ARHGEF7: variants seen among roughly 807,000 people sequenced by gnomAD.
ARHGEF7 encodes PAK-interacting exchange factor beta.
ARHGEF7 carries 33 observed loss-of-function variants against 109.8 expected under a neutral mutation model. The ratio of observed to expected loss-of-function variants is 0.30; its 90% confidence interval spans 0.23 to 0.40. ARHGEF7 has a LOEUF of 0.40. Among genes scored for constraint, ARHGEF7 ranks in the 10% least tolerant of loss-of-function variants. The pLI is 1.00. For missense variants in ARHGEF7, 938 were observed against 1,098.5 expected (o/e 0.85, Z 2.07); for synonymous variants, 458 against 424.6 (o/e 1.08, Z -0.97).
Position 111,115,353 on chromosome 13 carries a change from C to T in ARHGEF7, c.-174C>T, listed in dbSNP as rs1362629891. 4.2e-5 allele frequency: 11 copies of T among 261,354 alleles called. No individual in the cohort carries two copies. The highest frequency in any genetic ancestry group is 6.4e-5 in the Non-Finnish European group (11 of 171,178). 16.2% of individuals were successfully genotyped at this position (261,354 alleles called of 1,614,324 possible). A position where few individuals can be genotyped will look rare whatever the true frequency, so the allele number is the denominator to read the frequency against. On this transcript the variant is annotated 5_prime_UTR_variant, in exon 1 of 22. Transcript: ENST00000646102. ...CCTGAGAAGGCGCCTGACAGCGGGC[C>T]GGGGCGCACGGAGAAGCGGGCCGGG...
intron 17 of ARHGEF7, among the ~76,000 whole-genome samples, chr13:111,287,843 G>A (rs1463134593): frequency 1.3e-5 from 2 of 152,286 alleles, no homozygotes; most frequent in African/African-American, 2.4e-5. Context: ...TGATGGGCCC[G>A]GGTTTTCACA....
At chr13:111,281,703 G>A (rs537708729) in intron 15 of ARHGEF7, among the ~76,000 whole-genome samples, 1 of 152,270 alleles carries the variant, frequency 6.6e-6, no homozygotes, top group South Asian at 2.1e-4. Context: ...GCTTCACTCA[G>A]GTTTTCAACA....
intron 5 of ARHGEF7, among the ~76,000 whole-genome samples, chr13:111,224,895 A>G (rs978028118): frequency 6.6e-6 from 1 of 152,162 alleles, no homozygotes; most frequent in Admixed American, 6.5e-5. Flanking sequence ...ATGAGGCTGC[A>G]TTACAGGATG....
At chr13:111,265,155 C>A (rs1254287718) in intron 8 of ARHGEF7, among the ~76,000 whole-genome samples, 1 of 150,194 alleles carries the variant, frequency 6.7e-6, no homozygotes, top group Non-Finnish European at 1.5e-5. Flanking sequence ...AAAGAAGACC[C>A]ATTGTGCTGG....
chr13:111,202,331 T>C (rs1428224992), intron 2 of ARHGEF7, among the ~76,000 whole-genome samples: 2 of 152,114 alleles, frequency 1.3e-5, no homozygotes, highest in Non-Finnish European at 2.9e-5. Context: ...TGTGTTGGAG[T>C]CACTTGGAGA....
At chr13:111,221,465 A>C (rs1476073371) in intron 5 of ARHGEF7, among the ~76,000 whole-genome samples, 1 of 90,648 alleles carries the variant, frequency 1.1e-5, no homozygotes, top group African/African-American at 4.9e-5. Context: ...AGATATATAG[A>C]CATCTATATA....
At position 111,212,464 on chromosome 13, in the gene ARHGEF7, C is replaced by T. The variant is rs530733828; in HGVS notation, c.468+2462C>T. 3.7e-4 allele frequency among the ~76,000 whole-genome samples: 56 copies of T among 152,312 alleles called. 1 individual carries two copies. The highest frequency in any genetic ancestry group is 1.3e-3 in the African/African-American group (55 of 41,574). On this transcript the variant is annotated intron_variant, in intron 4 of 21. Transcript: ENST00000646102. ...ACACCGCTGGAATTCCTGGTGACTG[C>T]TGTGCTTTTAGTCTTCAACTGCTGG... is the stretch of plus-strand genomic sequence containing the variant.
chr13:111,222,041 C>T (rs2084494021), intron 5 of ARHGEF7, among the ~76,000 whole-genome samples: 1 of 152,114 alleles, frequency 6.6e-6, no homozygotes, highest in South Asian at 2.1e-4. Flanking sequence ...TTGCTGGAAG[C>T]TGATTAGGTG....
intron 2 of ARHGEF7, among the ~76,000 whole-genome samples, chr13:111,186,537 GT>G (rs1351159708): frequency 1.3e-5 from 2 of 152,152 alleles, no homozygotes; most frequent in Admixed American, 6.5e-5. Context: ...CTGGATTTCT[GT>G]TTTTCACATG....
In ARHGEF7 at chr13:111,115,720, G is replaced by A. The variant is rs572659190; in HGVS notation, c.165+29G>A. 7.3e-5 allele frequency: 82 copies of A among 1,125,776 alleles called. 2 individuals are homozygous for A. In the South Asian group the frequency reaches 2.9e-3, roughly 40 times the overall value. 69.7% of individuals were successfully genotyped at this position (1,125,776 alleles called of 1,614,324 possible). On this transcript the variant is annotated intron_variant, in intron 1 of 21. Coordinates refer to ENST00000646102, the MANE Select transcript of ARHGEF7 (RefSeq NM_001354046.2). ...AGTCCCGGCCCGCGCCCCCGCCCGC[G>A]CCCCCCGGTCCGGCCCGCTGCGGCC...
Position 111,258,437 on chromosome 13 carries a change from C to CAG in ARHGEF7, c.951-9109_951-9108dup, listed in dbSNP as rs1566983837. 2.6e-5 allele frequency among the ~76,000 whole-genome samples: 4 copies of CAG among 152,314 alleles called. No individual in the cohort carries two copies. In the South Asian group the frequency reaches 8.3e-4, roughly 32 times the overall value. ...AGCCACAGCAGGATAGAGCATCAGG[C>CAG]AGAACCCTGAGGCTCCCGGACGACA... On this transcript the variant is annotated intron_variant, in intron 8 of 21. Coordinates refer to ENST00000646102, the MANE Select transcript of ARHGEF7 (RefSeq NM_001354046.2). This position sits in a 1 kb window ranked among gnomAD's most constrained non-coding sequence, Gnocchi z 4.4.
chr13:111,277,755 C>T (rs1034940037), intron 13 of ARHGEF7, 82 bp downstream of exon 13: 21 of 947,864 alleles, frequency 2.2e-5, no homozygotes, highest in Non-Finnish European at 3.2e-5. Context: ...TTAAATATTA[C>T]GTGTATCTAT....
chr13:111,165,602 C>G (rs1484753501), intron 2 of ARHGEF7, among the ~76,000 whole-genome samples: 9 of 152,182 alleles, frequency 5.9e-5, no homozygotes, highest in Admixed American at 3.3e-4. Flanking sequence ...ATCCCTTCCC[C>G]TTGATAAAGC....
Position 111,151,625 on chromosome 13 carries a change from T to C in ARHGEF7, c.166-2280T>C, listed in dbSNP as rs182362042. Among the ~76,000 whole-genome samples, 5 of 152,364 alleles carry C rather than the reference T, an allele frequency of 3.3e-5. No homozygotes were observed. In the East Asian group the frequency reaches 9.6e-4, roughly 29 times the overall value. On this transcript the variant is annotated intron_variant, in intron 1 of 21. Coordinates refer to ENST00000646102, the MANE Select transcript of ARHGEF7 (RefSeq NM_001354046.2). The stretch of plus-strand genomic sequence containing the variant: ...GCCTCATGTACAGATGTGAATGCAC[T>C]GTATTGTTGATTCATTAACATTGAA...
intron 3 of ARHGEF7, among the ~76,000 whole-genome samples, chr13:111,206,551 CA>C (rs1300749836): frequency 2.6e-5 from 4 of 152,120 alleles, no homozygotes; most frequent in Admixed American, 2.6e-4. Flanking sequence ...ATCGAGGAAA[CA>C]AAAATTTAAA....
At chr13:111,189,882 A>G (rs1470261438) in intron 2 of ARHGEF7, among the ~76,000 whole-genome samples, 1 of 152,194 alleles carries the variant, frequency 6.6e-6, no homozygotes, top group Non-Finnish European at 1.5e-5. Flanking sequence ...TCCTTTAGCT[A>G]GACAGAAAAG....
At chr13:111,161,926 T>G (rs1464743415) in intron 2 of ARHGEF7, among the ~76,000 whole-genome samples, 1 of 152,232 alleles carries the variant, frequency 6.6e-6, no homozygotes, top group Non-Finnish European at 1.5e-5. Flanking sequence ...ATCCCCATTT[T>G]TGGATACAGA....
chr13:111,256,697 T>G (rs1247524716), intron 8 of ARHGEF7, among the ~76,000 whole-genome samples: 1 of 152,238 alleles, frequency 6.6e-6, no homozygotes, highest in Non-Finnish European at 1.5e-5. Context: ...CTTTAGTGTA[T>G]CTTTAACTCT....
rs759847743 is a variant in ARHGEF7 at position 111,275,662 on chromosome 13, A to T, written c.1403A>T (p.Gln468Leu). The T allele has an allele frequency of 1.2e-6, 2 of 1,614,144 alleles. No individual in the cohort carries two copies. The highest frequency in any genetic ancestry group is 2.2e-5 in the South Asian group (2 of 91,084). ...ACTTACATGTCCCAGGTCCTGATTC[A>T]GTGTGCCGGAAGTGAGGTACTGCTG... ...NVTYMSQVLI[Q>L]CAGSEEKNER... The change falls in exon 12 of 22, where the codon CAG (glutamine) becomes CTG (leucine). Residue 468 changes from glutamine (Q) to leucine (L), a missense_variant. Gln to Leu is a moderately radical substitution (Grantham distance 113, BLOSUM62 -2). Around this residue, in one of 4 missense-constraint regions of ARHGEF7, gnomAD observed 585 missense variants for 723.6 expected, o/e 0.81. Transcript: ENST00000646102.
Sources: gnomAD v4.1 joint callset for allele counts (sites outside exome capture counted in the v4.1 genomes callset) on GRCh38, gnomAD v4.1.1 for gene constraint, gnomAD v4.1.1 regional missense constraint, Gnocchi (gnomAD v3.1) non-coding constraint, MANE v1.5 for transcripts, NCBI Gene and HGNC (gene_info 2026-07-23, HGNC 2026-07-21) for gene names.